Variants in ITGA9 observed in about 807,000 individuals in gnomAD.
The protein encoded by ITGA9 is integrin subunit alpha 9.
ITGA9 carries 56 observed loss-of-function variants against 127.8 expected under a neutral mutation model. The observed-to-expected ratio is 0.44, with a 90% CI of 0.35 to 0.55. The LOEUF is 0.55. ITGA9 is among the 20% of genes least tolerant of loss of function. The pLI is 0.00. For missense variants in ITGA9, 1,196 were observed against 1,347.1 expected (o/e 0.89, Z 1.76); for synonymous variants, 508 against 514.5 (o/e 0.99, Z 0.17).
intron 18 of ITGA9, among the ~76,000 whole-genome samples, chr3:37,731,084 C>A (rs186845525): frequency 1.1e-4 from 17 of 152,234 alleles, no homozygotes; most frequent in Admixed American, 2.0e-4. Flanking sequence ...CATCATTATC[C>A]GGCAGAATCA....
At chr3:37,655,811 G>A (rs958368164) in intron 17 of ITGA9, among the ~76,000 whole-genome samples, 1 of 152,160 alleles carries the variant, frequency 6.6e-6, no homozygotes, top group African/African-American at 2.4e-5. Flanking sequence ...TTCTTCTAGA[G>A]TTTTTATGGT....
At chr3:37,773,048 C>T (rs1160291247) in intron 23 of ITGA9, among the ~76,000 whole-genome samples, 4 of 152,228 alleles carry the variant, frequency 2.6e-5, no homozygotes, top group African/African-American at 9.6e-5. Context: ...TCCCAGCTCC[C>T]TGCCCCTCTC....
intron 15 of ITGA9, among the ~76,000 whole-genome samples, chr3:37,609,370 G>T (rs1367138039): frequency 1.3e-5 from 2 of 152,162 alleles, no homozygotes; most frequent in Non-Finnish European, 2.9e-5. Context: ...CATGACGCAA[G>T]ACAGTATCTT....
intron 1 of ITGA9, among the ~76,000 whole-genome samples, chr3:37,467,746 T>G (rs76359600): frequency 6.6e-6 from 1 of 152,210 alleles, no homozygotes; most frequent in Non-Finnish European, 1.5e-5. Flanking sequence ...GACTCTGCTG[T>G]GTGGCCCTGG....
rs77201444 is a variant in ITGA9 at position 37,785,200 on chromosome 3, A to C, written c.2889+122A>C. ...TGAGCCAAGATGTTGGGTTTGTGGC[A>C]GACCCAAGACTATGCCTGCCTTGGC... On this transcript the variant is annotated intron_variant, in intron 26 of 27. Coordinates refer to ENST00000264741, the MANE Select transcript of ITGA9 (RefSeq NM_002207.3). 5.5e-4 allele frequency: 414 copies of C among 757,606 alleles called. 7 individuals are homozygous for C. The East Asian group carries it at 0.011, about 19-fold the overall frequency. 46.9% of individuals were successfully genotyped at this position (757,606 alleles called of 1,614,324 possible).
intron 23 of ITGA9, among the ~76,000 whole-genome samples, chr3:37,755,196 A>G (rs1696635995): frequency 1.3e-5 from 2 of 152,328 alleles, no homozygotes; most frequent in South Asian, 2.1e-4. Flanking sequence ...CCAAGCTTCA[A>G]GGATTTGCCC....
intron 20 of ITGA9, among the ~76,000 whole-genome samples, chr3:37,739,136 ATATT>A (rs1265842702): frequency 6.6e-6 from 1 of 152,148 alleles, no homozygotes; most frequent in Non-Finnish European, 1.5e-5. Flanking sequence ...CACTCAGTAA[ATATT>A]TATTGTGCAC....
intron 18 of ITGA9, among the ~76,000 whole-genome samples, chr3:37,707,494 G>A (rs1455510887): frequency 6.6e-6 from 1 of 152,096 alleles, no homozygotes; most frequent in Non-Finnish European, 1.5e-5. Context: ...AAATAAAATT[G>A]ATGGCCATTT....
intron 18 of ITGA9, among the ~76,000 whole-genome samples, chr3:37,692,408 AGAGAGT>A (rs1224701603): frequency 1.3e-4 from 18 of 137,706 alleles, no homozygotes; most frequent in Non-Finnish European, 2.1e-4. Context: ...TGAGAGAGAG[AGAGAGT>A]GTGTGTGTGT....
intron 4 of ITGA9, among the ~76,000 whole-genome samples, chr3:37,486,913 A>T (rs1021188095): frequency 3.3e-5 from 5 of 152,168 alleles, no homozygotes; most frequent in African/African-American, 1.2e-4. Flanking sequence ...TTTTATTTCT[A>T]GTGTGTGTTT....
chr3:37,608,654 C>T (rs1041657243), intron 15 of ITGA9, among the ~76,000 whole-genome samples: 2 of 152,142 alleles, frequency 1.3e-5, no homozygotes, highest in Non-Finnish European at 2.9e-5. Context: ...GGAGACACTT[C>T]TCTCTTCCAA....
At chr3:37,725,116 A>G (rs769373476) in intron 18 of ITGA9, among the ~76,000 whole-genome samples, 4 of 152,210 alleles carry the variant, frequency 2.6e-5, no homozygotes, top group Non-Finnish European at 4.4e-5. Flanking sequence ...TAGCAAATCA[A>G]CAAAACAGTT....
At chr3:37,609,062 C>A (rs1430347778) in intron 15 of ITGA9, among the ~76,000 whole-genome samples, 1 of 152,124 alleles carries the variant, frequency 6.6e-6, no homozygotes, top group East Asian at 1.9e-4. Context: ...TTCCACTGAA[C>A]ATCACATTCT....
chr3:37,513,442 A>AT (rs1698953534), intron 8 of ITGA9, among the ~76,000 whole-genome samples: 1 of 151,602 alleles, frequency 6.6e-6, no homozygotes, highest in African/African-American at 2.4e-5. Flanking sequence ...TTATGTTTTT[A>AT]TTTTTTAGTA....
intron 3 of ITGA9, among the ~76,000 whole-genome samples, chr3:37,477,759 C>T (rs1315809419): frequency 1.3e-5 from 2 of 152,216 alleles, no homozygotes; most frequent in Non-Finnish European, 2.9e-5. Context: ...AGTCTAATGT[C>T]GCCCCTTTTC....
chr3:37,552,860 C>T (rs1409643802), intron 15 of ITGA9, among the ~76,000 whole-genome samples: 1 of 151,910 alleles, frequency 6.6e-6, no homozygotes, highest in African/African-American at 2.4e-5. Flanking sequence ...ACTAAAATTA[C>T]AAAAATTAGC....
chr3:37,575,450 G>A (rs537802547), intron 15 of ITGA9, among the ~76,000 whole-genome samples: 12 of 152,262 alleles, frequency 7.9e-5, no homozygotes, highest in East Asian at 7.7e-4. Context: ...GACAACTAGC[G>A]TTTACTGAGT....
At chr3:37,808,829 C>T (rs767440443) in intron 27 of ITGA9, 5 of 152,232 alleles carry the variant, frequency 3.3e-5, no homozygotes, top group Admixed American at 3.3e-4. Context: ...CTCAGGGCCT[C>T]TCCATGTGGT....
intron 15 of ITGA9, among the ~76,000 whole-genome samples, chr3:37,606,754 A>T (rs1337900784): frequency 1.3e-5 from 2 of 151,946 alleles, no homozygotes; most frequent in Non-Finnish European, 2.9e-5. Flanking sequence ...GCCCCCCTCA[A>T]TGACCACTAC....
Sources: gnomAD v4.1 joint callset for allele counts (sites outside exome capture counted in the v4.1 genomes callset) on GRCh38, gnomAD v4.1.1 for gene constraint, MANE v1.5 for transcripts, NCBI Gene and HGNC (gene_info 2026-07-23, HGNC 2026-07-21) for gene names.